Variants in RUFY4 observed in about 807,000 individuals in gnomAD.
RUFY4 encodes RUN and FYVE domain containing 4.
In RUFY4, 73 loss-of-function variants were observed where a neutral mutation model predicts 69.0. The ratio of observed to expected loss-of-function variants is 1.06; its 90% CI spans 0.88 to 1.29. The LOEUF is 1.29. Ranked by LOEUF, RUFY4 falls within the 50% of genes most tolerant of loss-of-function variation. The pLI is 0.00. For synonymous variants in RUFY4, 287 were observed against 271.8 expected (o/e 1.06, Z -0.55); for missense variants, 770 against 705.6 (o/e 1.09, Z -1.03).
At chr2:218,078,995 G>T (rs1689699542) in intron 8 of RUFY4, among the ~76,000 whole-genome samples, 1 of 152,178 alleles carries the variant, frequency 6.6e-6, no homozygotes, top group South Asian at 2.1e-4. Context: ...AGCCTCCCGA[G>T]TAGCTGGGAT....
intron 2 of RUFY4, among the ~76,000 whole-genome samples, chr2:218,037,942 CA>C (rs1049204820): frequency 8.3e-4 from 124 of 150,204 alleles, no homozygotes; most frequent in African/African-American, 3.1e-3. Context: ...AAGAAAAAAA[CA>C]GTTTCCTAAA....
chr2:218,069,003 G>C (rs1401312377), upstream of RUFY4: 1 of 152,500 alleles, frequency 6.6e-6, no homozygotes, highest in East Asian at 1.9e-4. Context: ...GCAAGAGCAG[G>C]TGCTGAAAAC....
chr2:218,077,210 A>G (rs1391887897), intron 8 of RUFY4, among the ~76,000 whole-genome samples: 1 of 151,392 alleles, frequency 6.6e-6, no homozygotes, highest in Non-Finnish European at 1.5e-5. Context: ...TTCAGGCAGC[A>G]TGTCGAGTGC....
upstream of RUFY4, among the ~76,000 whole-genome samples, chr2:218,065,290 G>A (rs995204326): frequency 2.0e-5 from 3 of 152,174 alleles, no homozygotes; most frequent in Admixed American, 6.5e-5. Flanking sequence ...GGGGCAGAGG[G>A]GAGGCAGCTT....
chr2:218,078,276 T>C (rs752533619), intron 8 of RUFY4, among the ~76,000 whole-genome samples: 1 of 152,184 alleles, frequency 6.6e-6, no homozygotes, highest in African/African-American at 2.4e-5. Flanking sequence ...AATAAGGTAA[T>C]ATGGCCAGGG....
chr2:218,060,964 G>T (rs190604567), intron 3 of RUFY4: 3 of 824,536 alleles, frequency 3.6e-6, no homozygotes, highest in African/African-American at 3.3e-5. Context: ...GTCAGTGTGC[G>T]TGTGGCATGG....
At chr2:218,080,542 G>T (rs1055434019) in intron 8 of RUFY4, among the ~76,000 whole-genome samples, 4 of 152,176 alleles carry the variant, frequency 2.6e-5, no homozygotes, top group South Asian at 2.1e-4. Context: ...GATAGCTAAG[G>T]TTCCTCCTCC....
chr2:218,038,694 GTAT>G (rs1026614943), intron 2 of RUFY4, among the ~76,000 whole-genome samples: 3 of 152,118 alleles, frequency 2.0e-5, no homozygotes, highest in Non-Finnish European at 4.4e-5. Context: ...GTTTTTGGTG[GTAT>G]TATTTTACAC....
chr2:218,050,672 C>T (rs994042776), intron 2 of RUFY4, among the ~76,000 whole-genome samples: 2 of 151,994 alleles, frequency 1.3e-5, no homozygotes, highest in Non-Finnish European at 2.9e-5. Flanking sequence ...TTTTTTTTGG[C>T]CTGGGTTTGG....
At chr2:218,084,628 A>C (rs1031374222) in intron 9 of RUFY4, among the ~76,000 whole-genome samples, 5 of 152,218 alleles carry the variant, frequency 3.3e-5, no homozygotes, top group Admixed American at 2.6e-4. Flanking sequence ...AGTTCCTCCA[A>C]AGAATTTACT....
At chr2:218,060,889 G>A in intron 3 of RUFY4, 1 of 1,177,972 alleles carries the variant, frequency 8.5e-7, no homozygotes, top group Non-Finnish European at 1.3e-6. Context: ...AAGATGCGTA[G>A]GGACAGTAAC....
chr2:218,083,386 C>A, intron 9 of RUFY4, 130 bp downstream of exon 11: 1 of 1,218,112 alleles, frequency 8.2e-7, no homozygotes, highest in East Asian at 2.6e-5. Context: ...ATAAGCTAAC[C>A]CTTCTGTTTC....
Position 218,083,045 on chromosome 2 carries a change from A to T in RUFY4, c.1356-65A>T, listed in dbSNP as rs535156091. 279 of 1,459,476 alleles carry T rather than the reference A, an allele frequency of 1.9e-4. No individual in the cohort carries two copies. The South Asian group carries it at 2.2e-3, about 12-fold the overall frequency. The allele number at this position is 1,459,476 out of a possible 1,614,324, so 90.4% of individuals were successfully genotyped here. A position where few individuals can be genotyped will look rare whatever the true frequency, so the allele number is the denominator to read the frequency against. On this transcript the variant is annotated intron_variant, in intron 8 of 10. Coordinates refer to ENST00000344321, the Ensembl canonical transcript of RUFY4. ...TGGGCTCCCTCTCTGGAAGAGGCTCAGCCTAGCTCAGGCACAAAGGCTGAG... is the reference window on the plus strand; with the variant it reads ...TGGGCTCCCTCTCTGGAAGAGGCTCTGCCTAGCTCAGGCACAAAGGCTGAG...
At chr2:218,046,516 G>C (rs1688832946) in intron 2 of RUFY4, among the ~76,000 whole-genome samples, 1 of 152,118 alleles carries the variant, frequency 6.6e-6, no homozygotes, top group Admixed American at 6.6e-5. Flanking sequence ...CATCCATGTT[G>C]CTGAAGCAAT....
At chr2:218,083,052 C>A in intron 8 of RUFY4, 58 bp from the exon 11 acceptor site, 1 of 1,545,994 alleles carries the variant, frequency 6.5e-7, no homozygotes, top group East Asian at 2.3e-5. Flanking sequence ...CTCAGCCTAG[C>A]TCAGGCACAA....
chr2:218,089,218 T>C (rs1689968308), intron 9 of RUFY4, 34 bp from the exon 12 acceptor site: 1 of 1,537,228 alleles, frequency 6.5e-7, no homozygotes, highest in Non-Finnish European at 9.0e-7. Flanking sequence ...TCTCTGTCTC[T>C]GTCTGTGTCT....
chr2:218,075,689 T>G, exon 7 of RUFY4: 1 of 1,472,742 alleles, frequency 6.8e-7, no homozygotes, highest in Non-Finnish European at 9.0e-7. Context: ...AAGTGACCCT[T>G]GTGGCCAGAA....
chr2:218,073,533 C>A (rs941381980), intron 5 of RUFY4, 147 bp downstream of exon 7: 1 of 1,179,284 alleles, frequency 8.5e-7, no homozygotes, highest in Non-Finnish European at 1.2e-6. Flanking sequence ...TTCTAGCCCT[C>A]GATGCTCCCA....
chr2:218,083,067 T>C (rs763960830), intron 8 of RUFY4, 43 bp from the exon 11 acceptor site: 1 of 1,610,294 alleles, frequency 6.2e-7, no homozygotes, highest in South Asian at 1.1e-5. Context: ...GCACAAAGGC[T>C]GAGCTTTGCC....
Sources: gnomAD v4.1 joint callset for allele counts (sites outside exome capture counted in the v4.1 genomes callset) on GRCh38, gnomAD v4.1.1 for gene constraint, MANE v1.5 for transcripts, NCBI Gene and HGNC (gene_info 2026-07-23, HGNC 2026-07-21) for gene names.